The following STXBP6 variants were observed in gnomAD, a reference collection of about 807,000 sequenced individuals.
The protein encoded by STXBP6 is syntaxin-binding protein 6.
STXBP6 carries 21 observed loss-of-function variants against 26.9 expected under a neutral mutation model. The ratio of observed to expected loss-of-function variants is 0.78; its 90% CI spans 0.55 to 1.12. The LOEUF (loss-of-function observed/expected upper bound fraction) is 1.12. Ranked by LOEUF, STXBP6 falls within the 50% of genes most tolerant of loss-of-function variation. The pLI is 0.00. For synonymous variants in STXBP6, 97 were observed against 92.6 expected (o/e 1.05, Z -0.27); for missense variants, 232 against 257.9 (o/e 0.90, Z 0.69).
chr14:24,813,077 G>A (rs1311104959), intron 5 of STXBP6, among the ~76,000 whole-genome samples: 1 of 152,114 alleles, frequency 6.6e-6, no homozygotes, highest in African/African-American at 2.4e-5. Flanking sequence ...GGAATAGCTG[G>A]GGTTCCCAGC....
chr14:24,913,892 G>A (rs545505708), intron 2 of STXBP6, among the ~76,000 whole-genome samples: 1 of 152,262 alleles, frequency 6.6e-6, no homozygotes, highest in African/African-American at 2.4e-5. Flanking sequence ...ATGTGGGGAA[G>A]GATTCAAGAC....
rs192501522 is a variant in STXBP6 at position 24,830,657 on chromosome 14, T to C, written c.452-11463A>G. Among the ~76,000 whole-genome samples the C allele has an allele frequency of 2.9e-3, 436 of 152,244 alleles. 4 individuals are homozygous for C. Among genetic ancestry groups the C allele is most frequent in the African/African-American group, 0.01 (422 of 41,550 alleles). Reference sequence around the variant, plus strand: ...CTATGAGACATCCAAGTGGAGTCAGTAAGTCAAACAGATATTCCTGTAAGA... The same window carrying C: ...CTATGAGACATCCAAGTGGAGTCAGCAAGTCAAACAGATATTCCTGTAAGA... On this transcript the variant is annotated intron_variant, in intron 4 of 5. Coordinates refer to ENST00000323944, the MANE Select transcript of STXBP6 (RefSeq NM_001394410.1).
At chr14:24,841,931 T>G (rs560860861) in intron 4 of STXBP6, among the ~76,000 whole-genome samples, 1 of 152,378 alleles carries the variant, frequency 6.6e-6, no homozygotes, top group South Asian at 2.1e-4. Flanking sequence ...GGCTTTCTCA[T>G]GTAGAATTTT....
At chr14:24,866,140 G>T (rs2069710786) in intron 2 of STXBP6, among the ~76,000 whole-genome samples, 2 of 151,906 alleles carry the variant, frequency 1.3e-5, no homozygotes, top group Non-Finnish European at 2.9e-5. Context: ...GATGTGAGTG[G>T]GTCTCATCCA....
At chr14:25,005,452 T>A (rs1405514066) in intron 1 of STXBP6, among the ~76,000 whole-genome samples, 1 of 152,222 alleles carries the variant, frequency 6.6e-6, no homozygotes, top group Non-Finnish European at 1.5e-5. Context: ...AGTCTTCTGA[T>A]GAGATTGATC....
At chr14:24,872,245 G>T (rs2069963426) in intron 2 of STXBP6, among the ~76,000 whole-genome samples, 1 of 152,074 alleles carries the variant, frequency 6.6e-6, no homozygotes, top group Non-Finnish European at 1.5e-5. Context: ...GGAGTAAAAT[G>T]CAAAATAAAA....
At chr14:24,957,538 C>T (rs949301514) in intron 2 of STXBP6, among the ~76,000 whole-genome samples, 3 of 152,216 alleles carry the variant, frequency 2.0e-5, no homozygotes, top group African/African-American at 7.2e-5. Context: ...AGATAACTGA[C>T]AACTTTTATT....
intron 4 of STXBP6, among the ~76,000 whole-genome samples, chr14:24,829,257 T>G (rs2068382590): frequency 6.6e-6 from 1 of 152,246 alleles, no homozygotes; most frequent in Admixed American, 6.5e-5. Flanking sequence ...GTATTGTAAT[T>G]ATTATTTTTG....
At chr14:24,883,773 G>A (rs564518193) in intron 2 of STXBP6, among the ~76,000 whole-genome samples, 2 of 152,238 alleles carry the variant, frequency 1.3e-5, no homozygotes, top group African/African-American at 2.4e-5. Flanking sequence ...ACCAGTTTTT[G>A]TTCTTCTATA....
chr14:24,862,407 A>G (rs919585618), intron 2 of STXBP6, among the ~76,000 whole-genome samples: 43 of 152,302 alleles, frequency 2.8e-4, no homozygotes, highest in African/African-American at 1.0e-3. Flanking sequence ...GCCACTGGGG[A>G]AAAATGTAGG....
chr14:24,928,677 G>C (rs1210541865), intron 2 of STXBP6, among the ~76,000 whole-genome samples: 2 of 152,092 alleles, frequency 1.3e-5, no homozygotes, highest in Non-Finnish European at 2.9e-5. Context: ...AGTGATTAAA[G>C]CAAAAACATG....
chr14:24,953,777 G>GTGGAT (rs2073250032), intron 2 of STXBP6, among the ~76,000 whole-genome samples: 1 of 152,176 alleles, frequency 6.6e-6, no homozygotes, highest in African/African-American at 2.4e-5. Context: ...AGGCTAAATG[G>GTGGAT]TGGACATAAT....
At chr14:25,045,605 CT>C (rs397700377) in intron 1 of STXBP6, among the ~76,000 whole-genome samples, 21,631 of 107,436 alleles carry the variant, frequency 0.2, 1,721 homozygotes, top group African/African-American at 0.28. Flanking sequence ...TTTTTCTTTT[CT>C]TTTTTTTTTT....
chr14:24,826,740 CCT>C, intron 4 of STXBP6, among the ~76,000 whole-genome samples: 2 of 152,300 alleles, frequency 1.3e-5, no homozygotes, highest in South Asian at 4.1e-4. Context: ...CCCCCCGACC[CCT>C]GTCACTTTGA....
At chr14:24,971,940 ATT>A (rs1442446268) in intron 2 of STXBP6, among the ~76,000 whole-genome samples, 9 of 152,344 alleles carry the variant, frequency 5.9e-5, no homozygotes, top group African/African-American at 1.9e-4. Context: ...CTTAATAAAT[ATT>A]TGACTAATTA....
intron 1 of STXBP6, among the ~76,000 whole-genome samples, chr14:24,996,160 T>C (rs1274881528): frequency 6.6e-6 from 1 of 152,264 alleles, no homozygotes; most frequent in African/African-American, 2.4e-5. Context: ...AACCTACATA[T>C]ATTTTGTTGA....
At chr14:24,813,842 T>C (rs985000368) in intron 5 of STXBP6, among the ~76,000 whole-genome samples, 1 of 152,184 alleles carries the variant, frequency 6.6e-6, no homozygotes, top group Non-Finnish European at 1.5e-5. Context: ...CTTGACATCT[T>C]CAACAAATAA....
chr14:24,812,688 G>A lies in STXBP6; in HGVS notation c.*21C>T, dbSNP rs2067856011. On this transcript the variant is annotated 3_prime_UTR_variant, in exon 6 of 6. Coordinates refer to ENST00000323944, the MANE Select transcript of STXBP6 (RefSeq NM_001394410.1). The stretch of plus-strand genomic sequence containing the variant: ...AACTCTTCAGTTTCTCTTAAGAAGA[G>A]TCACCAGGATAGGCAGTTTCTCAAC... 1.2e-6 allele frequency: 2 copies of A among 1,613,104 alleles called. No individual in the cohort carries two copies.
At position 24,934,819 on chromosome 14, in the gene STXBP6, C is replaced by G. The variant is rs200546216; in HGVS notation, c.154+39846G>C. Among the ~76,000 whole-genome samples, 3 of 151,962 alleles carry G rather than the reference C, an allele frequency of 2.0e-5. No homozygotes were observed. In the East Asian group the frequency reaches 5.8e-4, roughly 29 times the overall value. On this transcript the variant is annotated intron_variant, in intron 2 of 5. Coordinates refer to ENST00000323944, the MANE Select transcript of STXBP6 (RefSeq NM_001394410.1). ...TAAAGTCACTCTCTAAAACAAAATT[C>G]CTAAGAATTTTGTTGTTAGGAGGTC... is the stretch of plus-strand genomic sequence containing the variant.
Sources: gnomAD v4.1 joint callset for allele counts (sites outside exome capture counted in the v4.1 genomes callset) on GRCh38, gnomAD v4.1.1 for gene constraint, MANE v1.5 for transcripts, NCBI Gene and HGNC (gene_info 2026-07-23, HGNC 2026-07-21) for gene names.